Variants in LRRTM4 observed in about 807,000 individuals in gnomAD.
The protein encoded by LRRTM4 is leucine rich repeat transmembrane neuronal 4.
LRRTM4 carries 25 observed loss-of-function variants against 47.6 expected under a neutral mutation model. That is an observed-to-expected ratio of 0.53 (90% CI 0.38 to 0.73). The LOEUF is 0.73. LRRTM4 is among the 30% of genes least tolerant of loss of function. LRRTM4 has a pLI of 0.00. For synonymous variants in LRRTM4, 311 were observed against 269.5 expected (o/e 1.15, Z -1.51); for missense variants, 638 against 713.4 (o/e 0.89, Z 1.20).
chr2:77,520,472 T>C (rs1256083369), intron 2 of LRRTM4, among the ~76,000 whole-genome samples: 1 of 152,056 alleles, frequency 6.6e-6, no homozygotes, highest in Admixed American at 6.6e-5. Context: ...GGATGAAGAC[T>C]AATAACGGTA....
Position 77,038,474 on chromosome 2 carries a change from G to C in LRRTM4, c.1552-289558C>G, listed in dbSNP as rs560418918. 6.6e-5 allele frequency among the ~76,000 whole-genome samples: 10 copies of C among 151,534 alleles called. No homozygotes were observed. The East Asian group carries it at 1.5e-3, about 23-fold the overall frequency. On this transcript the variant is annotated intron_variant, in intron 3 of 3. Transcript: ENST00000409884. ...TATTTTAGAAAAATTATAAAGTACTGTTCAGAGTCTATGAAGTAATATTTT... is the reference window on the plus strand; with the variant it reads ...TATTTTAGAAAAATTATAAAGTACTCTTCAGAGTCTATGAAGTAATATTTT...
chr2:77,520,341 G>GTTA (rs1390594785), intron 2 of LRRTM4, among the ~76,000 whole-genome samples: 8 of 152,066 alleles, frequency 5.3e-5, no homozygotes, highest in Non-Finnish European at 1.0e-4. Context: ...GCTTCAGTAA[G>GTTA]CTGTCAAGGT....
intron 3 of LRRTM4, among the ~76,000 whole-genome samples, chr2:77,409,065 A>G (rs763296822): frequency 8.5e-5 from 13 of 152,212 alleles, no homozygotes; most frequent in Non-Finnish European, 1.6e-4. Context: ...TGAACATTGA[A>G]TCCTGCTAAA....
At chr2:77,106,003 C>T (rs1291760225) in intron 3 of LRRTM4, among the ~76,000 whole-genome samples, 1 of 152,142 alleles carries the variant, frequency 6.6e-6, no homozygotes, top group African/African-American at 2.4e-5. Context: ...TCACCTTCTT[C>T]CTATTCCTCA....
At chr2:76,993,283 A>G (rs1396800286) in intron 3 of LRRTM4, among the ~76,000 whole-genome samples, 1 of 151,964 alleles carries the variant, frequency 6.6e-6, no homozygotes, top group Non-Finnish European at 1.5e-5. Flanking sequence ...GGACTAATTA[A>G]AGGAGCTTTT....
At chr2:77,002,904 A>G (rs2104029681) in intron 3 of LRRTM4, among the ~76,000 whole-genome samples, 1 of 152,154 alleles carries the variant, frequency 6.6e-6, no homozygotes, top group African/African-American at 2.4e-5. Context: ...TAATATTTTA[A>G]TTTATTCTAT....
chr2:76,827,165 C>T (rs940860176), intron 3 of LRRTM4, among the ~76,000 whole-genome samples: 2 of 151,808 alleles, frequency 1.3e-5, no homozygotes, highest in Non-Finnish European at 2.9e-5. Flanking sequence ...GCTGGCCACA[C>T]TGAAGTTAAG....
At chr2:76,841,193 C>T (rs548692992) in intron 3 of LRRTM4, among the ~76,000 whole-genome samples, 3 of 151,210 alleles carry the variant, frequency 2.0e-5, no homozygotes, top group Non-Finnish European at 4.4e-5. Context: ...CCAAACACTG[C>T]ATGTTCTCAC....
intron 3 of LRRTM4, among the ~76,000 whole-genome samples, chr2:76,843,514 C>T (rs774404025): frequency 8.5e-5 from 13 of 152,164 alleles, no homozygotes; most frequent in Non-Finnish European, 1.6e-4. Flanking sequence ...TCCCAGTTCT[C>T]ATTCATGAAC....
intron 3 of LRRTM4, among the ~76,000 whole-genome samples, chr2:76,839,652 A>G (rs796568051): frequency 2.0e-5 from 3 of 152,112 alleles, no homozygotes; most frequent in African/African-American, 7.2e-5. Flanking sequence ...TTATTCAAAC[A>G]TAGCTTTTCC....
At chr2:77,209,698 T>G (rs555097708) in intron 3 of LRRTM4, among the ~76,000 whole-genome samples, 1 of 152,336 alleles carries the variant, frequency 6.6e-6, no homozygotes, top group African/African-American at 2.4e-5. Flanking sequence ...AATTTTCTTA[T>G]GCCATTTTCT....
At chr2:77,081,377 G>A (rs148983725) in intron 3 of LRRTM4, among the ~76,000 whole-genome samples, 217 of 151,182 alleles carry the variant, frequency 1.4e-3, no homozygotes, top group Non-Finnish European at 2.6e-3. Flanking sequence ...ACATTTAAAA[G>A]TAAATTAAAT....
At chr2:77,003,922 G>A (rs1437575640) in intron 3 of LRRTM4, among the ~76,000 whole-genome samples, 2 of 152,136 alleles carry the variant, frequency 1.3e-5, no homozygotes, top group Non-Finnish European at 1.5e-5. Context: ...GGTCTCATAG[G>A]GACATGAAAA....
intron 3 of LRRTM4, among the ~76,000 whole-genome samples, chr2:76,938,911 A>G (rs2103855623): frequency 1.3e-5 from 2 of 152,228 alleles, no homozygotes; most frequent in African/African-American, 2.4e-5. Context: ...GTGGTAAACT[A>G]GTCTTATGAG....
At chr2:77,243,756 CT>C (rs60554037) in intron 3 of LRRTM4, among the ~76,000 whole-genome samples, 20 of 125,312 alleles carry the variant, frequency 1.6e-4, no homozygotes, top group East Asian at 8.4e-4. Flanking sequence ...TACCATATCC[CT>C]TTTTTTTTCT....
chr2:76,940,963 G>A (rs1675122197), intron 3 of LRRTM4, among the ~76,000 whole-genome samples: 1 of 151,968 alleles, frequency 6.6e-6, no homozygotes, highest in African/African-American at 2.4e-5. Flanking sequence ...TACCACTTTT[G>A]TTATCTTCAG....
At chr2:76,776,244 A>C (rs1673986427) in intron 3 of LRRTM4, among the ~76,000 whole-genome samples, 1 of 152,226 alleles carries the variant, frequency 6.6e-6, no homozygotes, top group Non-Finnish European at 1.5e-5. Flanking sequence ...TTATAGCAGC[A>C]TGATTTATAA....
intron 3 of LRRTM4, among the ~76,000 whole-genome samples, chr2:76,960,696 G>A (rs1026411496): frequency 2.0e-5 from 3 of 151,472 alleles, no homozygotes; most frequent in African/African-American, 4.8e-5. Flanking sequence ...GAATCACGAC[G>A]TTAAGTTTTG....
At chr2:77,455,616 G>A (rs1676502602) in intron 3 of LRRTM4, among the ~76,000 whole-genome samples, 1 of 151,218 alleles carries the variant, frequency 6.6e-6, no homozygotes, top group Non-Finnish European at 1.5e-5. Flanking sequence ...CCCTCCTCCT[G>A]CACCTCTCTC....
Sources: allele counts gnomAD v4.1 joint callset (sites outside exome capture counted in the v4.1 genomes callset), GRCh38; gene constraint gnomAD v4.1.1; transcripts MANE v1.5; gene names NCBI Gene and HGNC (gene_info 2026-07-23, HGNC 2026-07-21).